The following MIPOL1 variants were observed in gnomAD, a reference collection of about 807,000 sequenced individuals.
MIPOL1 encodes the protein mirror-image polydactyly 1, also known as mirror-image polydactyly gene 1 protein.
MIPOL1 carries 57 observed loss-of-function variants against 60.9 expected under a neutral mutation model. The ratio of observed to expected loss-of-function variants is 0.94; its 90% confidence interval spans 0.76 to 1.17. The LOEUF is 1.17. MIPOL1 is among the 50% of genes most tolerant of loss of function. The probability of loss-of-function intolerance (pLI) is 0.00; values close to 1 mark genes in which losing one functional copy is unlikely to be tolerated. For synonymous variants in MIPOL1, 179 were observed against 168.8 expected (o/e 1.06, Z -0.47); for missense variants, 551 against 511.6 (o/e 1.08, Z -0.74).
intron 1 of MIPOL1, among the ~76,000 whole-genome samples, chr14:37,230,960 T>C (rs938108578): frequency 3.3e-5 from 5 of 152,152 alleles, no homozygotes; most frequent in African/African-American, 1.2e-4. Flanking sequence ...TATCTATCTA[T>C]CTATATGTTA....
chr14:37,530,852 C>G (rs866142067), intron 12 of MIPOL1, among the ~76,000 whole-genome samples: 10 of 151,710 alleles, frequency 6.6e-5, no homozygotes, highest in South Asian at 2.1e-4. Context: ...GAGTCTCACT[C>G]TGTCACCTAG....
At chr14:37,206,214 G>C (rs1966067135) in intron 1 of MIPOL1, among the ~76,000 whole-genome samples, 1 of 152,132 alleles carries the variant, frequency 6.6e-6, no homozygotes, top group Non-Finnish European at 1.5e-5. Context: ...GGGTCCCCAT[G>C]CTATGTCCAA....
intron 7 of MIPOL1, among the ~76,000 whole-genome samples, chr14:37,289,064 T>A (rs2084830546): frequency 6.6e-6 from 1 of 152,210 alleles, no homozygotes; most frequent in Non-Finnish European, 1.5e-5. Flanking sequence ...TGTTGTTTAA[T>A]CTTAACTTTA....
At chr14:37,270,387 T>C (rs1224721049) in intron 5 of MIPOL1, 33 bp from the exon 6 acceptor site, 1 of 1,191,042 alleles carries the variant, frequency 8.4e-7, no homozygotes, top group East Asian at 2.6e-5. Context: ...ATTTGTCAAA[T>C]AAGAATCCAT....
intron 11 of MIPOL1, among the ~76,000 whole-genome samples, chr14:37,427,131 T>G (rs2153556004): frequency 6.6e-6 from 1 of 152,282 alleles, no homozygotes; most frequent in African/African-American, 2.4e-5. Context: ...GAAAGCATTG[T>G]TCATATTAAC....
chr14:37,241,270 T>C (rs758082887), intron 1 of MIPOL1, among the ~76,000 whole-genome samples: 6 of 152,146 alleles, frequency 3.9e-5, no homozygotes, highest in Non-Finnish European at 5.9e-5. Flanking sequence ...ATTCAGGACC[T>C]TGAATGATTA....
intron 10 of MIPOL1, among the ~76,000 whole-genome samples, chr14:37,379,606 T>G (rs556320667): frequency 6.6e-6 from 1 of 152,156 alleles, no homozygotes; most frequent in South Asian, 2.1e-4. Flanking sequence ...ATCTTATAAC[T>G]CAGCAAAGAA....
At chr14:37,260,557 T>C (rs1196606892) in intron 3 of MIPOL1, among the ~76,000 whole-genome samples, 4 of 152,292 alleles carry the variant, frequency 2.6e-5, no homozygotes, top group African/African-American at 4.8e-5. Context: ...GGTGGTGATA[T>C]TGAAAAACAC....
chr14:37,466,526 CA>C (rs923336386), intron 11 of MIPOL1, among the ~76,000 whole-genome samples: 4 of 152,112 alleles, frequency 2.6e-5, no homozygotes, highest in South Asian at 2.1e-4. Flanking sequence ...TGGCTTTGGA[CA>C]GGGGGGCAGT....
chr14:37,434,566 G>C (rs1273868312), intron 11 of MIPOL1: 1 of 151,682 alleles, frequency 6.6e-6, no homozygotes, highest in Non-Finnish European at 1.5e-5. Flanking sequence ...TGTACCCAAG[G>C]TGAGCACTAA....
intron 10 of MIPOL1, among the ~76,000 whole-genome samples, chr14:37,371,453 A>G (rs1416044195): frequency 1.3e-5 from 2 of 152,100 alleles, no homozygotes; most frequent in African/African-American, 4.8e-5. Context: ...CAAATATACT[A>G]TATTAAAATC....
At chr14:37,486,835 G>T (rs1027769967) in intron 11 of MIPOL1, among the ~76,000 whole-genome samples, 5 of 152,036 alleles carry the variant, frequency 3.3e-5, no homozygotes, top group Non-Finnish European at 7.4e-5. Context: ...TTGCCTGATT[G>T]TCCTGGCTAG....
intron 6 of MIPOL1, among the ~76,000 whole-genome samples, chr14:37,284,658 T>A (rs1208459628): frequency 6.6e-6 from 1 of 152,222 alleles, no homozygotes; most frequent in Non-Finnish European, 1.5e-5. Context: ...ATTGTATTGT[T>A]TTTACTAATT....
intron 9 of MIPOL1, among the ~76,000 whole-genome samples, chr14:37,358,168 C>G (rs2091974701): frequency 6.6e-6 from 1 of 152,188 alleles, no homozygotes; most frequent in Non-Finnish European, 1.5e-5. Context: ...AGGATATGAA[C>G]TCATCCTTTT....
chr14:37,441,549 G>C (rs898325568), intron 11 of MIPOL1, among the ~76,000 whole-genome samples: 1 of 152,098 alleles, frequency 6.6e-6, no homozygotes, highest in East Asian at 1.9e-4. Context: ...CTGTAAATAT[G>C]TGGCTTTCTT....
intron 9 of MIPOL1, among the ~76,000 whole-genome samples, chr14:37,323,996 A>G (rs1340573167): frequency 2.6e-5 from 4 of 151,968 alleles, no homozygotes; most frequent in African/African-American, 9.7e-5. Flanking sequence ...TCCAGTTTTT[A>G]TCTATTATGA....
At chr14:37,525,024 T>C (rs1332945087) in intron 12 of MIPOL1, among the ~76,000 whole-genome samples, 1 of 152,062 alleles carries the variant, frequency 6.6e-6, no homozygotes, top group East Asian at 1.9e-4. Flanking sequence ...ATAAAAGGGG[T>C]CCTTAAATAA....
At chr14:37,521,892 A>AT (rs1363391867) in intron 12 of MIPOL1, among the ~76,000 whole-genome samples, 3 of 47,664 alleles carry the variant, frequency 6.3e-5, no homozygotes, top group East Asian at 1.2e-3. Context: ...AAAGAAAAAA[A>AT]AATATATATA....
At chr14:37,224,777 A>G (rs767057708) in intron 1 of MIPOL1, among the ~76,000 whole-genome samples, 5 of 152,202 alleles carry the variant, frequency 3.3e-5, no homozygotes, top group Non-Finnish European at 5.9e-5. Context: ...CAGTCCCCCA[A>G]AGCCTTAACT....
Sources: gnomAD v4.1 joint callset for allele counts (sites outside exome capture counted in the v4.1 genomes callset) on GRCh38, gnomAD v4.1.1 for gene constraint, MANE v1.5 for transcripts, NCBI Gene and HGNC (gene_info 2026-07-23, HGNC 2026-07-21) for gene names.